TXNRD1: variants seen among roughly 807,000 people sequenced by gnomAD.
TXNRD1 encodes the protein thioredoxin reductase 1.
TXNRD1 carries 57 observed loss-of-function variants against 80.3 expected under a neutral mutation model. The ratio of observed to expected loss-of-function variants is 0.71; its 90% CI spans 0.57 to 0.89. The LOEUF is 0.89. Ranked by LOEUF, TXNRD1 falls within the 40% of genes least tolerant of loss-of-function variation. The pLI, the probability that TXNRD1 is intolerant of heterozygous loss-of-function variation, is 0.00. For missense variants in TXNRD1, 730 were observed against 803.0 expected (o/e 0.91, Z 1.10); for synonymous variants, 291 against 285.2 (o/e 1.02, Z -0.20).
At chr12:104,287,331 T>C (rs1409740676) in intron 3 of TXNRD1, 1 of 1,613,858 alleles carries the variant, frequency 6.2e-7, no homozygotes, top group Non-Finnish European at 8.5e-7. Flanking sequence ...CACACAAAGC[T>C]TCAGCATGTC....
intron 3 of TXNRD1, among the ~76,000 whole-genome samples, chr12:104,261,792 A>C (rs901312418): frequency 1.3e-5 from 2 of 152,072 alleles, no homozygotes; most frequent in Admixed American, 6.5e-5. Flanking sequence ...GTGCATTCTC[A>C]GCTCAGTGAG....
At chr12:104,267,258 T>TCTTTCTTTCTTTCTTTCTTC in intron 3 of TXNRD1, among the ~76,000 whole-genome samples, 1 of 137,084 alleles carries the variant, frequency 7.3e-6, no homozygotes, top group Non-Finnish European at 1.5e-5. Context: ...TTTCTTTCTT[T>TCTTTCTTTCTTTCTTTCTTC]CTTTCTTTCT....
At chr12:104,242,984 G>A (rs919760525) in intron 1 of TXNRD1, among the ~76,000 whole-genome samples, 2 of 152,098 alleles carry the variant, frequency 1.3e-5, no homozygotes, top group African/African-American at 4.8e-5. Context: ...GGAATTCTTG[G>A]CTAGGACCCC....
intron 1 of TXNRD1, among the ~76,000 whole-genome samples, chr12:104,241,574 G>A (rs2032867112): frequency 6.6e-6 from 1 of 151,004 alleles, no homozygotes. Flanking sequence ...CTCCACTTTG[G>A]TCAGGCTGGT....
intron 4 of TXNRD1, among the ~76,000 whole-genome samples, chr12:104,303,501 A>G (rs543392242): frequency 6.6e-6 from 1 of 152,346 alleles, no homozygotes; most frequent in African/African-American, 2.4e-5. Context: ...AAGTTGTCCA[A>G]AAGTGTTTTT....
At chr12:104,330,332 A>C (rs35700104) in intron 13 of TXNRD1, among the ~76,000 whole-genome samples, 1 of 152,202 alleles carries the variant, frequency 6.6e-6, no homozygotes, top group Non-Finnish European at 1.5e-5. Context: ...TTTTTTCACA[A>C]TTCACAGCAT....
At chr12:104,278,248 T>C (rs1467841584) in intron 3 of TXNRD1, among the ~76,000 whole-genome samples, 2 of 140,902 alleles carry the variant, frequency 1.4e-5, no homozygotes, top group African/African-American at 5.3e-5. Context: ...TCGCCCAGGC[T>C]GGAGTGCAGT....
intron 11 of TXNRD1, 113 bp from the exon 12 acceptor site, chr12:104,326,234 T>C: frequency 1.4e-6 from 1 of 716,344 alleles, no homozygotes. Context: ...AATATTTATT[T>C]CCAAGTTTGA....
intron 1 of TXNRD1, among the ~76,000 whole-genome samples, chr12:104,249,917 C>T (rs941145756): frequency 3.5e-5 from 4 of 115,190 alleles, no homozygotes; most frequent in African/African-American, 1.4e-4. Context: ...GCCTTGGCAA[C>T]AGAGCGAGAC....
At chr12:104,325,904 G>A (rs897341670) in intron 11 of TXNRD1, among the ~76,000 whole-genome samples, 10 of 151,694 alleles carry the variant, frequency 6.6e-5, no homozygotes, top group Non-Finnish European at 1.0e-4. Context: ...TTTGGTAAAC[G>A]GATGGCTTCA....
intron 16 of TXNRD1, among the ~76,000 whole-genome samples, chr12:104,342,946 C>T (rs1342492688): frequency 3.3e-5 from 5 of 151,968 alleles, no homozygotes; most frequent in African/African-American, 9.7e-5. Flanking sequence ...TGGAGTGACA[C>T]GGTTATATTT....
rs1215885364 is a variant in TXNRD1, at chr12:104,265,457, A to G, written c.304+7378A>G. 7 of 1,606,220 alleles carry G rather than the reference A, an allele frequency of 4.4e-6. No homozygotes were observed. The African/African-American group carries it at 9.4e-5, about 21-fold the overall frequency. On this transcript the variant is annotated intron_variant, in intron 3 of 16. Coordinates refer to ENST00000525566, the MANE Select transcript of TXNRD1 (RefSeq NM_001093771.3). The stretch of plus-strand genomic sequence containing the variant: ...TCCCGCTTCTGGTACTTTGTATCTC[A>G]GTTAAAGAAGATGAAGAAGTCTTCA...
chr12:104,318,919 A>G lies in TXNRD1; in HGVS notation c.737A>G (p.His246Arg). ...GTTTTATTTTCTTATACAGTTAAGCATGATTGGGACAGAATGATAGAAGCT... is the reference window on the plus strand; with the variant it reads ...GTTTTATTTTCTTATACAGTTAAGCGTGATTGGGACAGAATGATAGAAGCT... ...YGWKVEETVK[H>R]DWDRMIEAVQ... Residue 246 changes from histidine to arginine, a missense_variant, in exon 8 of 17, where the codon CAT becomes CGT. By Grantham distance (29) the His-to-Arg change is conservative. Coordinates refer to ENST00000525566, the MANE Select transcript of TXNRD1 (RefSeq NM_001093771.3). 1 of 1,607,630 alleles carries G rather than the reference A, an allele frequency of 6.2e-7. No individual in the cohort carries two copies.
intron 4 of TXNRD1, among the ~76,000 whole-genome samples, chr12:104,301,850 CT>C (rs1185280783): frequency 6.6e-6 from 1 of 152,112 alleles, no homozygotes; most frequent in African/African-American, 2.4e-5. Context: ...TTCATTTTTC[CT>C]TTATTTTAGA....
chr12:104,335,277 C>G (rs2036097620), intron 15 of TXNRD1, among the ~76,000 whole-genome samples: 1 of 149,934 alleles, frequency 6.7e-6, no homozygotes, highest in South Asian at 2.1e-4. Flanking sequence ...TCTTGGTTCA[C>G]TGCAACCTTC....
At chr12:104,324,581 A>G (rs1381333415) in intron 10 of TXNRD1, among the ~76,000 whole-genome samples, 1 of 151,086 alleles carries the variant, frequency 6.6e-6, no homozygotes, top group Non-Finnish European at 1.5e-5. Flanking sequence ...CGATCTCCTG[A>G]CCTCATGATC....
intron 16 of TXNRD1, among the ~76,000 whole-genome samples, chr12:104,341,081 GCAGGGTGACTGC>G (rs2036309943): frequency 6.6e-6 from 1 of 152,116 alleles, no homozygotes; most frequent in African/African-American, 2.4e-5. Flanking sequence ...GCAGCATCTG[GCAGGGTGACTGC>G]CAGCTGAGCA....
intron 10 of TXNRD1, among the ~76,000 whole-genome samples, chr12:104,323,167 G>A (rs2035602359): frequency 7.6e-6 from 1 of 132,288 alleles, no homozygotes; most frequent in African/African-American, 2.9e-5. Flanking sequence ...ATTTTTCTTA[G>A]TGCAGAACAA....
intron 4 of TXNRD1, among the ~76,000 whole-genome samples, chr12:104,307,589 C>G (rs527337285): frequency 1.3e-5 from 2 of 152,232 alleles, no homozygotes; most frequent in East Asian, 3.9e-4. Flanking sequence ...AGTGGTAGAG[C>G]AAGTATTTTA....
Sources: allele counts gnomAD v4.1 joint callset (sites outside exome capture counted in the v4.1 genomes callset), GRCh38; gene constraint gnomAD v4.1.1; transcripts MANE v1.5; gene names NCBI Gene and HGNC (gene_info 2026-07-23, HGNC 2026-07-21).